Variants in ULK2 observed in about 807,000 individuals in gnomAD.
ULK2 encodes unc-51 like autophagy activating kinase 2.
In ULK2, 76 loss-of-function variants were observed where a neutral mutation model predicts 127.5. The observed-to-expected ratio is 0.60, with a 90% CI of 0.50 to 0.72. The LOEUF is 0.72. Ranked by LOEUF, ULK2 falls within the 30% of genes least tolerant of loss-of-function variation. The probability of loss-of-function intolerance (pLI) is 0.00; values close to 1 mark genes in which losing one functional copy is unlikely to be tolerated. For missense variants in ULK2, 1,144 were observed against 1,295.9 expected (o/e 0.88, Z 1.80); for synonymous variants, 452 against 461.9 (o/e 0.98, Z 0.28).
intron 20 of ULK2, among the ~76,000 whole-genome samples, chr17:19,792,989 A>G (rs1204305995): frequency 6.6e-6 from 1 of 152,236 alleles, no homozygotes; most frequent in Non-Finnish European, 1.5e-5. Flanking sequence ...TTATAGTTGT[A>G]TTAGTTCATT....
Position 19,801,850 on chromosome 17 carries a change from T to C in ULK2, c.1368A>G (p.Pro456=), listed in dbSNP as rs1486226625. ...FLRPGSCSPV[P]ADTAQTVGRR... ...GTCCAACTGTCTGTGCTGTGTCTGC[T>C]GGTACTGGGGAGCATGATCCCGGCC... Residue 456 remains proline (P), a synonymous_variant, in exon 16 of 27, where the codon CCA becomes CCG. Transcript: ENST00000395544. 4.3e-6 allele frequency: 7 copies of C among 1,614,222 alleles called. No individual in the cohort carries two copies. The highest frequency in any genetic ancestry group is 1.6e-4 in the Middle Eastern group (1 of 6,062).
chr17:19,797,278 C>T, intron 18 of ULK2, 118 bp downstream of exon 18: 2 of 1,203,796 alleles, frequency 1.7e-6, no homozygotes, highest in Non-Finnish European at 2.2e-6. Flanking sequence ...GCCTGGGCGA[C>T]AAAGCAAGAC....
chr17:19,786,949 T>C (rs2087046087), intron 20 of ULK2, among the ~76,000 whole-genome samples: 1 of 152,036 alleles, frequency 6.6e-6, no homozygotes, highest in African/African-American at 2.4e-5. Flanking sequence ...AAAACATGTA[T>C]ACAGTTGCAC....
At chr17:19,807,204 G>A (rs1034819557) in intron 14 of ULK2, among the ~76,000 whole-genome samples, 3 of 152,184 alleles carry the variant, frequency 2.0e-5, no homozygotes, top group African/African-American at 7.2e-5. Flanking sequence ...AAGTGATGGG[G>A]AGCCAAGTGG....
chr17:19,811,932 T>C (rs1003543233), intron 13 of ULK2, among the ~76,000 whole-genome samples: 1 of 152,144 alleles, frequency 6.6e-6, no homozygotes, highest in Non-Finnish European at 1.5e-5. Context: ...ATTTTGAAAC[T>C]ATAGAGGCAA....
chr17:19,784,513 CTTTTTTTTTTT>C (rs563736244), intron 21 of ULK2, among the ~76,000 whole-genome samples: 17 of 45,100 alleles, frequency 3.8e-4, no homozygotes, highest in African/African-American at 1.5e-3. Context: ...GGACATGATA[CTTTTTTTTTTT>C]TTTTTTTTTT....
intron 9 of ULK2, chr17:19,840,432 T>C (rs1420234593): frequency 2.1e-6 from 1 of 484,738 alleles, no homozygotes; most frequent in African/African-American, 2.0e-5. Context: ...CTTCTGGTAT[T>C]GTGTTTTCAA....
chr17:19,845,402 A>G (rs1178164648), intron 6 of ULK2, 25 bp from the exon 7 acceptor site: 2 of 1,580,622 alleles, frequency 1.3e-6, no homozygotes, highest in Non-Finnish European at 1.7e-6. Flanking sequence ...AGAAAGTAGA[A>G]AAGCAAATTA....
chr17:19,844,276 C>A (rs1484349729), intron 7 of ULK2, among the ~76,000 whole-genome samples: 2 of 152,082 alleles, frequency 1.3e-5, no homozygotes, highest in East Asian at 3.9e-4. Flanking sequence ...AGTTTTATTT[C>A]TCAGATGTAA....
chr17:19,841,467 C>T lies in ULK2; in HGVS notation c.704+22G>A, dbSNP rs193193509. On this transcript the variant is annotated intron_variant, in intron 9 of 26. Transcript: ENST00000395544. Reference sequence around the variant, plus strand: ...ACACTGTATTCACAAATAGTAAAACCCAGTGTAATCTAAACACATACCTAG... The same window carrying T: ...ACACTGTATTCACAAATAGTAAAACTCAGTGTAATCTAAACACATACCTAG... 44 of 1,568,264 alleles carry T rather than the reference C, an allele frequency of 2.8e-5. No homozygotes were observed. In the Middle Eastern group the frequency reaches 7.6e-4, roughly 27 times the overall value.
chr17:19,829,547 A>AG lies in ULK2; in HGVS notation c.788-3362_788-3361insC, dbSNP rs1567708346. Among the ~76,000 whole-genome samples, 48 of 2,720 alleles carry AG rather than the reference A, an allele frequency of 0.018. 1 individual carries two copies. The East Asian group carries it at 0.19, about 11-fold the overall frequency. 1.8% of individuals were successfully genotyped at this position (2,720 alleles called of 152,430 possible). A position where few individuals can be genotyped will look rare whatever the true frequency, so the allele number is the denominator to read the frequency against. ...ATGAGACCCTGTCAAGGAAAAAAAA[A>AG]AGGGGGGGGGCTGGGCACGGTAGCT... On this transcript the variant is annotated intron_variant, in intron 10 of 26. Transcript: ENST00000395544.
At position 19,810,371 on chromosome 17, in the gene ULK2, T is replaced by C. The variant is rs201673521; in HGVS notation, c.1157+7A>G. 4 of 1,585,082 alleles carry C rather than the reference T, an allele frequency of 2.5e-6. No homozygotes were observed. The highest frequency in any genetic ancestry group is 2.2e-5 in the East Asian group (1 of 44,492). On this transcript the variant is annotated splice_region_variant and intron_variant, in intron 14 of 26. Transcript: ENST00000395544. ...AAATTTTAATAAGATAATGTAAATA[T>C]ACATACCCTCCACACACCAAGAATT...
rs397943235 is a variant in ULK2 at position 19,824,446 on chromosome 17, CAAAAAAAAAAAA to C, written c.924+636_924+647del. Among the ~76,000 whole-genome samples the C allele has an allele frequency of 2.4e-3, 24 of 9,902 alleles. 2 individuals are homozygous for C. The East Asian group carries it at 0.031, about 13-fold the overall frequency. 6.5% of individuals were successfully genotyped at this position (9,902 alleles called of 152,430 possible). ...TGGGCGACAGAGCGAAACTCCATCT[CAAAAAAAAAAAA>C]AAAAAAAAAAAAAAAAGCCTAAGAG... On this transcript the variant is annotated intron_variant, in intron 12 of 26. Coordinates refer to ENST00000395544, the MANE Select transcript of ULK2 (RefSeq NM_014683.4).
chr17:19,858,205 G>A (rs1335021308), intron 3 of ULK2, among the ~76,000 whole-genome samples: 2 of 151,990 alleles, frequency 1.3e-5, no homozygotes, highest in Non-Finnish European at 2.9e-5. Context: ...TTTGAGACCA[G>A]GCTGAGCAAC....
intron 9 of ULK2, chr17:19,840,647 C>CG (rs907438616): frequency 1.2e-5 from 2 of 168,886 alleles, no homozygotes; most frequent in Non-Finnish European, 2.4e-5. Flanking sequence ...GAGGATGAGG[C>CG]GGGGGGATCA....
chr17:19,830,877 A>G (rs148449513), intron 10 of ULK2, among the ~76,000 whole-genome samples: 1,994 of 152,064 alleles, frequency 0.013, 46 homozygotes, highest in African/African-American at 0.045. Flanking sequence ...AAATACAAAA[A>G]TTAGCCATGC....
intron 12 of ULK2, among the ~76,000 whole-genome samples, chr17:19,818,712 T>C (rs2041056895): frequency 6.6e-6 from 1 of 152,098 alleles, no homozygotes; most frequent in African/African-American, 2.4e-5. Context: ...TTTCCCTCTG[T>C]AGATAACCAT....
intron 25 of ULK2, among the ~76,000 whole-genome samples, chr17:19,778,608 A>G (rs1262063310): frequency 1.3e-5 from 2 of 152,106 alleles, no homozygotes; most frequent in African/African-American, 2.4e-5. Context: ...TTTTGTTTTT[A>G]ATTTTTAAAA....
chr17:19,828,781 G>C (rs1387990908), intron 10 of ULK2, among the ~76,000 whole-genome samples: 1 of 152,200 alleles, frequency 6.6e-6, no homozygotes, highest in Non-Finnish European at 1.5e-5. Flanking sequence ...TAGATTAAAA[G>C]GAAATAATCC....
Sources: gnomAD v4.1 joint callset for allele counts (sites outside exome capture counted in the v4.1 genomes callset) on GRCh38, gnomAD v4.1.1 for gene constraint, MANE v1.5 for transcripts, NCBI Gene and HGNC (gene_info 2026-07-23, HGNC 2026-07-21) for gene names.